Variants in KIF18A observed in about 807,000 individuals in gnomAD.
The protein encoded by KIF18A is kinesin family member 18A.
A neutral mutation model predicts 103.3 loss-of-function variants in KIF18A; 67 were observed. The ratio of observed to expected loss-of-function variants is 0.65; its 90% CI spans 0.53 to 0.79. The LOEUF is 0.79. KIF18A is among the 30% of genes least tolerant of loss of function. The pLI, the probability that KIF18A is intolerant of heterozygous loss-of-function variation, is 0.00. For synonymous variants in KIF18A, 367 were observed against 355.5 expected (o/e 1.03, Z -0.36); for missense variants, 1,032 against 1,062.5 (o/e 0.97, Z 0.40).
chr11:28,058,696 A>G (rs1479763141), intron 13 of KIF18A, among the ~76,000 whole-genome samples: 1 of 119,706 alleles, frequency 8.4e-6, no homozygotes, highest in Non-Finnish European at 1.8e-5. Flanking sequence ...AAAAAAAAAG[A>G]AAAGAGTTGT....
chr11:28,039,882 T>C (rs1206342611), intron 13 of KIF18A, among the ~76,000 whole-genome samples: 1 of 151,672 alleles, frequency 6.6e-6, no homozygotes, highest in Non-Finnish European at 1.5e-5. Flanking sequence ...ATGATATAAA[T>C]CTAAAGAGTT....
At chr11:28,091,218 ATG>A (rs1417386256) in intron 4 of KIF18A, among the ~76,000 whole-genome samples, 189 bp downstream of exon 4, 1 of 152,176 alleles carries the variant, frequency 6.6e-6, no homozygotes, top group Non-Finnish European at 1.5e-5. Flanking sequence ...AATTTAAAAA[ATG>A]TTTTTAAAAA....
At chr11:28,059,608 T>C (rs560603789) in intron 12 of KIF18A, among the ~76,000 whole-genome samples, 1 of 152,124 alleles carries the variant, frequency 6.6e-6, no homozygotes, top group East Asian at 1.9e-4. Flanking sequence ...TTTTTTTATT[T>C]TTTGGTAGAG....
intron 15 of KIF18A, among the ~76,000 whole-genome samples, chr11:28,024,209 A>C (rs927357742): frequency 2.6e-5 from 4 of 151,374 alleles, no homozygotes; most frequent in African/African-American, 4.8e-5. Flanking sequence ...AAAAAAAAAA[A>C]AACTAAGCTC....
At chr11:28,026,963 G>A (rs1484854424) in intron 15 of KIF18A, among the ~76,000 whole-genome samples, 5 of 151,648 alleles carry the variant, frequency 3.3e-5, no homozygotes, top group African/African-American at 1.2e-4. Context: ...TCATAGATGA[G>A]ACATTTAGGA....
At chr11:28,081,947 A>G (rs1851171134) in intron 9 of KIF18A, among the ~76,000 whole-genome samples, 1 of 152,128 alleles carries the variant, frequency 6.6e-6, no homozygotes, top group African/African-American at 2.4e-5. Flanking sequence ...ATGGATAACT[A>G]TGAGGGGTTC....
chr11:28,079,293 T>C (rs1406640585), intron 9 of KIF18A, among the ~76,000 whole-genome samples: 1 of 151,916 alleles, frequency 6.6e-6, no homozygotes, highest in East Asian at 1.9e-4. Context: ...CTAATAGATA[T>C]CCAATTACAT....
At chr11:28,028,155 A>G (rs2133485315) in intron 15 of KIF18A, among the ~76,000 whole-genome samples, 1 of 152,174 alleles carries the variant, frequency 6.6e-6, no homozygotes, top group East Asian at 1.9e-4. Flanking sequence ...TCCCTTTATG[A>G]TAAAAACTCT....
rs1448998432 is a variant in KIF18A at position 28,097,839 on chromosome 11, C to G, written c.109G>C (p.Val37Leu). Reference protein sequence around the residue: ...AAGFHKVVHVVDKHILVFDPK... With the variant: ...AAGFHKVVHVLDKHILVFDPK... The stretch of plus-strand genomic sequence containing the variant: ...TCAAAAACTAGGATATGTTTATCCA[C>G]AACATGAACCACTTTATGAAATCCA... The change falls in exon 2 of 17, where the codon GTG becomes CTG. Residue 37 changes from valine to leucine, a missense_variant. Coordinates refer to ENST00000263181, the MANE Select transcript of KIF18A (RefSeq NM_031217.4). 1.2e-6 allele frequency: 2 copies of G among 1,612,974 alleles called. No homozygotes were observed. The highest frequency in any genetic ancestry group is 1.7e-5 in the Admixed American group (1 of 59,916).
At chr11:28,104,228 T>C (rs902458875) in intron 1 of KIF18A, among the ~76,000 whole-genome samples, 22 of 152,316 alleles carry the variant, frequency 1.4e-4, no homozygotes, top group Non-Finnish European at 8.8e-5. Context: ...ATGTATTGCA[T>C]GTCATTTACC....
chr11:28,077,317 T>C (rs1851106864), intron 9 of KIF18A, 148 bp from the exon 10 acceptor site: 2 of 513,278 alleles, frequency 3.9e-6, no homozygotes, highest in Non-Finnish European at 6.7e-6. Context: ...AAAATGACTA[T>C]TTCCTATTAT....
At chr11:28,093,470 C>T (rs956756095) in intron 3 of KIF18A, among the ~76,000 whole-genome samples, 2 of 152,054 alleles carry the variant, frequency 1.3e-5, no homozygotes, top group African/African-American at 4.8e-5. Flanking sequence ...TATGTTTCTG[C>T]ACTGGTTTCT....
At chr11:28,038,300 A>G (rs1180379510) in intron 13 of KIF18A, among the ~76,000 whole-genome samples, 23 of 151,622 alleles carry the variant, frequency 1.5e-4, no homozygotes, top group Non-Finnish European at 4.4e-5. Context: ...TAATGCCCCA[A>G]ATAATGACAT....
chr11:28,078,696 A>G (rs1042688216), intron 9 of KIF18A, among the ~76,000 whole-genome samples: 3 of 152,166 alleles, frequency 2.0e-5, no homozygotes, highest in Admixed American at 6.5e-5. Context: ...TCTTTATAAA[A>G]GAACAATTGT....
chr11:28,022,140 T>C (rs1254560659), intron 16 of KIF18A, among the ~76,000 whole-genome samples: 1 of 152,210 alleles, frequency 6.6e-6, no homozygotes, highest in Admixed American at 6.5e-5. Context: ...TGTGGTTTAT[T>C]ATCATCTCCC....
At chr11:28,025,709 C>A (rs1850309734) in intron 15 of KIF18A, among the ~76,000 whole-genome samples, 1 of 151,856 alleles carries the variant, frequency 6.6e-6, no homozygotes, top group Admixed American at 6.6e-5. Flanking sequence ...TCATAAACTA[C>A]AAAGACTTAA....
chr11:28,052,062 T>C (rs1850718069), intron 13 of KIF18A, among the ~76,000 whole-genome samples: 3 of 152,102 alleles, frequency 2.0e-5, no homozygotes, highest in Non-Finnish European at 1.5e-5. Context: ...CTTGGAAATC[T>C]TGCTGGCTCT....
At chr11:28,096,826 G>A (rs1447995663) in intron 2 of KIF18A, among the ~76,000 whole-genome samples, 1 of 150,858 alleles carries the variant, frequency 6.6e-6, no homozygotes, top group African/African-American at 2.4e-5. Flanking sequence ...TTTAGTGCCT[G>A]GTAGGCACTG....
At chr11:28,091,853 T>A (rs1283593437) in intron 3 of KIF18A, among the ~76,000 whole-genome samples, 2 of 152,216 alleles carry the variant, frequency 1.3e-5, no homozygotes, top group African/African-American at 4.8e-5. Flanking sequence ...AGTCTCGCTG[T>A]CTCCCAGGCT....
Sources: allele counts gnomAD v4.1 joint callset (sites outside exome capture counted in the v4.1 genomes callset), GRCh38; gene constraint gnomAD v4.1.1; transcripts MANE v1.5; gene names NCBI Gene and HGNC (gene_info 2026-07-23, HGNC 2026-07-21).